Variants in TBC1D12 observed in about 807,000 individuals in gnomAD.
TBC1D12 encodes the protein TBC1 domain family member 12.
In TBC1D12, 56 loss-of-function variants were observed where a neutral mutation model predicts 86.7. The observed-to-expected ratio is 0.65, with a 90% CI of 0.52 to 0.81. TBC1D12 has a LOEUF of 0.81. Among genes scored for constraint, TBC1D12 ranks in the 30% least tolerant of loss-of-function variants. TBC1D12 has a pLI of 0.00. For missense variants in TBC1D12, 1,023 were observed against 1,038.8 expected (o/e 0.98, Z 0.21); for synonymous variants, 421 against 411.7 (o/e 1.02, Z -0.27).
At chr10:94,435,845 T>C (rs1358838396) in intron 1 of TBC1D12, among the ~76,000 whole-genome samples, 1 of 152,234 alleles carries the variant, frequency 6.6e-6, no homozygotes, top group Non-Finnish European at 1.5e-5. Flanking sequence ...CATTGGGAAC[T>C]GACTGTGGTA....
At chr10:94,510,743 T>C (rs2056515831) in intron 8 of TBC1D12, among the ~76,000 whole-genome samples, 1 of 151,766 alleles carries the variant, frequency 6.6e-6, no homozygotes, top group Non-Finnish European at 1.5e-5. Context: ...GCTCAAGCAA[T>C]CCTCCTGCAT....
chr10:94,524,723 T>G (rs1314656673), intron 11 of TBC1D12, among the ~76,000 whole-genome samples: 1 of 143,096 alleles, frequency 7.0e-6, no homozygotes, highest in Non-Finnish European at 1.5e-5. Context: ...AGAGCGAGAC[T>G]CCATTAAAAA....
intron 2 of TBC1D12, among the ~76,000 whole-genome samples, chr10:94,451,735 G>C (rs572566731): frequency 6.6e-6 from 1 of 152,200 alleles, no homozygotes; most frequent in Admixed American, 6.5e-5. Context: ...TGTGTGCCCA[G>C]TTACCTTTGC....
chr10:94,472,307 T>C (rs1168085799), intron 2 of TBC1D12, among the ~76,000 whole-genome samples: 1 of 152,184 alleles, frequency 6.6e-6, no homozygotes, highest in East Asian at 1.9e-4. Flanking sequence ...AGATAATAGA[T>C]TGTTAAAAGG....
chr10:94,430,361 C>T (rs1367641297), intron 1 of TBC1D12, among the ~76,000 whole-genome samples: 1 of 152,176 alleles, frequency 6.6e-6, no homozygotes, highest in Non-Finnish European at 1.5e-5. Flanking sequence ...TCACAATTTT[C>T]TATAGTGTCA....
chr10:94,499,546 G>A (rs1481428178), intron 5 of TBC1D12, among the ~76,000 whole-genome samples: 1 of 152,048 alleles, frequency 6.6e-6, no homozygotes, highest in Non-Finnish European at 1.5e-5. Flanking sequence ...CTTCCCTCTC[G>A]ACTGGAGGGT....
At chr10:94,455,263 T>C (rs2055610872) in intron 2 of TBC1D12, among the ~76,000 whole-genome samples, 1 of 152,194 alleles carries the variant, frequency 6.6e-6, no homozygotes, top group African/African-American at 2.4e-5. Context: ...TAGAATTCTT[T>C]TTATACATTG....
intron 3 of TBC1D12, among the ~76,000 whole-genome samples, chr10:94,485,673 T>C: frequency 6.6e-6 from 1 of 152,042 alleles, no homozygotes; most frequent in East Asian, 1.9e-4. Context: ...TTGTTGTCAG[T>C]TCAATTCTTC....
chr10:94,500,777 C>T (rs1309109990), intron 6 of TBC1D12, among the ~76,000 whole-genome samples: 3 of 151,932 alleles, frequency 2.0e-5, no homozygotes, highest in Admixed American at 6.6e-5. Flanking sequence ...AAGTTTAGGC[C>T]GGGCGCAGTG....
chr10:94,485,029 A>T (rs2056139068), intron 3 of TBC1D12, among the ~76,000 whole-genome samples: 1 of 152,172 alleles, frequency 6.6e-6, no homozygotes, highest in African/African-American at 2.4e-5. Flanking sequence ...CAAATATAAG[A>T]TTATCTCATC....
chr10:94,525,128 A>C (rs1004565768), intron 11 of TBC1D12, among the ~76,000 whole-genome samples: 22 of 152,202 alleles, frequency 1.4e-4, no homozygotes, highest in Non-Finnish European at 2.8e-4. Flanking sequence ...CAACATGACC[A>C]ACACTGATTT....
intron 2 of TBC1D12, chr10:94,447,756 T>G: frequency 1.1e-6 from 1 of 878,268 alleles, no homozygotes; most frequent in Non-Finnish European, 1.4e-6. Flanking sequence ...TTTTTGTTTT[T>G]TTTTCTAAAT....
At chr10:94,513,385 C>T (rs1271345755) in intron 9 of TBC1D12, among the ~76,000 whole-genome samples, 3 of 152,080 alleles carry the variant, frequency 2.0e-5, no homozygotes, top group African/African-American at 7.2e-5. Flanking sequence ...TGGACCACTG[C>T]ATTCCAGCCT....
intron 1 of TBC1D12, among the ~76,000 whole-genome samples, chr10:94,430,437 C>G (rs572969929): frequency 6.6e-6 from 1 of 152,144 alleles, no homozygotes; most frequent in South Asian, 2.1e-4. Context: ...GTGGGTTTGC[C>G]AATTCTTAAA....
intron 1 of TBC1D12, among the ~76,000 whole-genome samples, chr10:94,413,170 G>A (rs1261026228): frequency 6.6e-6 from 1 of 152,212 alleles, no homozygotes; most frequent in Non-Finnish European, 1.5e-5. Context: ...ATAAACAGAG[G>A]TGTATAATAG....
chr10:94,469,727 G>A (rs531851886), intron 2 of TBC1D12, among the ~76,000 whole-genome samples: 1 of 152,286 alleles, frequency 6.6e-6, no homozygotes, highest in African/African-American at 2.4e-5. Flanking sequence ...TGGGATTACA[G>A]GTGTGAGCCA....
intron 1 of TBC1D12, among the ~76,000 whole-genome samples, chr10:94,435,103 T>C (rs1445425045): frequency 6.6e-6 from 1 of 152,236 alleles, no homozygotes; most frequent in Non-Finnish European, 1.5e-5. Context: ...TCTATTCTTC[T>C]GTCAGTGGAT....
intron 2 of TBC1D12, among the ~76,000 whole-genome samples, chr10:94,465,859 C>T (rs1488608768): frequency 6.6e-6 from 1 of 150,826 alleles, no homozygotes; most frequent in Non-Finnish European, 1.5e-5. Flanking sequence ...TACATGCATA[C>T]ATACATATAT....
At chr10:94,411,135 AG>A (rs1177980771) in intron 1 of TBC1D12, among the ~76,000 whole-genome samples, 1 of 152,158 alleles carries the variant, frequency 6.6e-6, no homozygotes, top group Non-Finnish European at 1.5e-5. Context: ...ACTCTGCCTT[AG>A]GGTAATCATG....
Sources: allele counts gnomAD v4.1 joint callset (sites outside exome capture counted in the v4.1 genomes callset), GRCh38; gene constraint gnomAD v4.1.1; transcripts MANE v1.5; gene names NCBI Gene and HGNC (gene_info 2026-07-23, HGNC 2026-07-21).